The following KLF12 variants were observed in gnomAD, a reference collection of about 807,000 sequenced individuals.
The protein encoded by KLF12 is KLF transcription factor 12.
Under a neutral mutation model 37.8 loss-of-function variants are expected in KLF12, and 9 were observed. The observed-to-expected ratio is 0.24, with a 90% CI of 0.14 to 0.42. KLF12 has a LOEUF of 0.42. KLF12 is among the 10% of genes least tolerant of loss of function. The probability of loss-of-function intolerance (pLI) is 1.00; values close to 1 mark genes in which losing one functional copy is unlikely to be tolerated. For missense variants in KLF12, 411 were observed against 516.0 expected, an observed-to-expected ratio of 0.80 and a Z score of 1.97; for synonymous variants, 208 against 202.1, an observed-to-expected ratio of 1.03 and a Z score of -0.25.
chr13:74,089,554 T>C (rs146344463), intron 1 of KLF12, among the ~76,000 whole-genome samples: 1 of 151,998 alleles, frequency 6.6e-6, no homozygotes, highest in East Asian at 1.9e-4. Context: ...ATCCTCAAAA[T>C]AGCAAACCAA....
chr13:74,148,653 C>T, the KLF12 span, among the ~76,000 whole-genome samples: 2 of 152,036 alleles, frequency 1.3e-5, no homozygotes. Context: ...TTTAACACAA[C>T]CCTGATAGTT....
rs1056184653 is a variant in KLF12, at chr13:74,026,707, G to A, written c.-31-31654C>T. 3.3e-5 allele frequency among the ~76,000 whole-genome samples: 5 copies of A among 152,134 alleles called. No homozygotes were observed. In the East Asian group the frequency reaches 9.7e-4, roughly 29 times the overall value. ...ATCATTCACCTTGATTTCTATCCAG[G>A]GTAATCTGAAAAACATCGATTCTAA... On this transcript the variant is annotated intron_variant, in intron 1 of 7. Transcript: ENST00000377669.
At chr13:73,815,528 C>A (rs1185286419) in intron 4 of KLF12, among the ~76,000 whole-genome samples, 1 of 152,136 alleles carries the variant, frequency 6.6e-6, no homozygotes, top group Non-Finnish European at 1.5e-5. Context: ...CAATCCTGTT[C>A]TAGAATGATT....
At chr13:74,217,508 C>T in the KLF12 span, among the ~76,000 whole-genome samples, 1 of 152,106 alleles carries the variant, frequency 6.6e-6, no homozygotes, top group Non-Finnish European at 1.5e-5. Flanking sequence ...GCAGGCAGAT[C>T]ACGAGGTCAG....
chr13:73,985,874 G>C (rs575995024), intron 2 of KLF12, among the ~76,000 whole-genome samples: 1 of 152,058 alleles, frequency 6.6e-6, no homozygotes, highest in African/African-American at 2.4e-5. Context: ...AAATCTAAAG[G>C]ATCTCACTAC....
chr13:74,151,256 T>C, the KLF12 span, among the ~76,000 whole-genome samples: 1 of 152,292 alleles, frequency 6.6e-6, no homozygotes, highest in East Asian at 1.9e-4. Flanking sequence ...GGAATATTTT[T>C]GTATTACATT....
chr13:73,811,640 T>C lies in KLF12; in HGVS notation c.806+1512A>G, dbSNP rs112884682. On this transcript the variant is annotated intron_variant, in intron 5 of 7. Transcript: ENST00000377669. ...TGTATCAAAACCTTCTCAATAGTCC[T>C]GTCAGATAACTATTCTGATTTTCTT... Among the ~76,000 whole-genome samples the C allele has an allele frequency of 8.2e-3, 1,243 of 152,302 alleles. 19 individuals are homozygous for C. The highest frequency in any genetic ancestry group is 0.028 in the African/African-American group (1,172 of 41,582).
the KLF12 span, chr13:74,231,436 G>A: frequency 2.6e-5 from 4 of 152,146 alleles, no homozygotes; most frequent in Non-Finnish European, 5.9e-5. Context: ...AGGTAAGGCA[G>A]ACTTGTGAAC....
At chr13:74,086,476 C>T (rs1157841692) in intron 1 of KLF12, among the ~76,000 whole-genome samples, 1 of 151,984 alleles carries the variant, frequency 6.6e-6, no homozygotes, top group Non-Finnish European at 1.5e-5. Context: ...CATAGTATTC[C>T]ACGGTGTATA....
chr13:73,824,313 A>T (rs769975776), intron 4 of KLF12, among the ~76,000 whole-genome samples: 13 of 152,162 alleles, frequency 8.5e-5, no homozygotes, highest in Non-Finnish European at 1.8e-4. Flanking sequence ...CCCCCGGTGC[A>T]TAGGATTCTA....
the KLF12 span, among the ~76,000 whole-genome samples, chr13:74,295,918 A>T: frequency 6.6e-6 from 1 of 151,956 alleles, no homozygotes; most frequent in African/African-American, 2.4e-5. Flanking sequence ...GGCTCAAACG[A>T]TCCTCCCACC....
At chr13:73,781,462 G>C (rs907137942) in intron 5 of KLF12, among the ~76,000 whole-genome samples, 7 of 152,162 alleles carry the variant, frequency 4.6e-5, no homozygotes, top group African/African-American at 1.7e-4. Context: ...GTAGATGGAT[G>C]AATGGCTATA....
upstream of KLF12, among the ~76,000 whole-genome samples, chr13:74,135,560 G>A (rs989665942): frequency 9.3e-4 from 140 of 151,316 alleles, 1 homozygote; most frequent in African/African-American, 3.2e-3. Flanking sequence ...CCGGAGGGTC[G>A]GCGGGGGCGG....
At chr13:74,135,619 G>C (rs1039847899), upstream of KLF12, among the ~76,000 whole-genome samples, 2 of 151,504 alleles carry the variant, frequency 1.3e-5, no homozygotes, top group African/African-American at 4.8e-5. Context: ...CGCGGCGGAC[G>C]GAGGCGGGAG....
At chr13:74,296,068 C>T in the KLF12 span, among the ~76,000 whole-genome samples, 2 of 152,016 alleles carry the variant, frequency 1.3e-5, no homozygotes, top group Non-Finnish European at 2.9e-5. Context: ...ATCCACCCAC[C>T]TCAGCCTCCC....
rs972355939 is a variant in KLF12, at chr13:73,687,086, T to C, written c.*8404A>G. The C allele has an allele frequency of 2.0e-5, 3 of 152,656 alleles. No individual in the cohort carries two copies. The highest frequency in any genetic ancestry group is 2.9e-5 in the Non-Finnish European group (2 of 68,038). The allele number at this position is 152,656 out of a possible 1,614,324, so 9.5% of individuals were successfully genotyped here. On this transcript the variant is annotated 3_prime_UTR_variant, in exon 8 of 8. Transcript: ENST00000377669. ...AGGTGGGTATCTTAAAGGTGGTCTG[T>C]TCTCATCGTTTCACAACACAAAGTT...
chr13:73,688,544 A>C lies in KLF12; in HGVS notation c.*6946T>G, dbSNP rs1468446169. On this transcript the variant is annotated 3_prime_UTR_variant, in exon 8 of 8. Transcript: ENST00000377669. Reference sequence around the variant, plus strand: ...ATACAAAGAGTTGAGGAACTGAGAAAGTGTACTCAGGCTAAAATGCTACTA... The same window carrying C: ...ATACAAAGAGTTGAGGAACTGAGAACGTGTACTCAGGCTAAAATGCTACTA... The C allele has an allele frequency of 6.6e-6, 1 of 152,172 alleles. No homozygotes were observed. Among genetic ancestry groups the C allele is most frequent in the Non-Finnish European group, 1.5e-5 (1 of 68,030 alleles). 9.4% of individuals were successfully genotyped at this position (152,172 alleles called of 1,614,324 possible).
chr13:74,294,437 C>T, the KLF12 span, among the ~76,000 whole-genome samples: 4 of 151,914 alleles, frequency 2.6e-5, no homozygotes, highest in Non-Finnish European at 5.9e-5. Flanking sequence ...GGTGCGATCT[C>T]GGCTCACTGC....
the KLF12 span, among the ~76,000 whole-genome samples, chr13:74,277,409 A>G: frequency 3.3e-5 from 5 of 152,078 alleles, no homozygotes; most frequent in Non-Finnish European, 7.4e-5. Context: ...AAATCTCTTT[A>G]TGTCTTCCCT....
Sources: allele counts gnomAD v4.1 joint callset (sites outside exome capture counted in the v4.1 genomes callset), GRCh38; gene constraint gnomAD v4.1.1; transcripts MANE v1.5; gene names NCBI Gene and HGNC (gene_info 2026-07-23, HGNC 2026-07-21).